SPTLC3: variants seen among roughly 807,000 people sequenced by gnomAD.
SPTLC3 encodes serine palmitoyltransferase long chain base subunit 3.
Under a neutral mutation model 59.3 loss-of-function variants are expected in SPTLC3, and 36 were observed. The ratio of observed to expected loss-of-function variants is 0.61; its 90% CI spans 0.47 to 0.80. The LOEUF is 0.80. Among genes scored for constraint, SPTLC3 ranks in the 30% least tolerant of loss-of-function variants. The pLI is 0.00. For synonymous variants in SPTLC3, 257 were observed against 240.8 expected, an observed-to-expected ratio of 1.07 and a Z score of -0.62; for missense variants, 625 against 685.1, an observed-to-expected ratio of 0.91 and a Z score of 0.98.
At chr20:13,015,823 A>T (rs561267011) in intron 1 of SPTLC3, among the ~76,000 whole-genome samples, 16 of 152,236 alleles carry the variant, frequency 1.1e-4, no homozygotes, top group Non-Finnish European at 2.1e-4. Context: ...TAATCTATTA[A>T]AGTATAAGAA....
chr20:13,154,110 C>T lies in SPTLC3; in HGVS notation c.1387C>T (p.Leu463=). Residue 463 remains leucine (L), a synonymous_variant, in exon 10 of 12, where the codon CTG becomes TTG. Coordinates refer to ENST00000399002, the MANE Select transcript of SPTLC3 (RefSeq NM_018327.4). ...YGNENASVVP[L]LLYMPGKVAA... is the part of the protein sequence containing the mutation. Reference sequence around the variant, plus strand: ...CAATGAGAATGCTTCTGTTGTTCCTCTGCTTCTTTATATGCCTGGTAAAGT... The same window carrying T: ...CAATGAGAATGCTTCTGTTGTTCCTTTGCTTCTTTATATGCCTGGTAAAGT... The T allele has an allele frequency of 6.2e-7, 1 of 1,614,144 alleles. No homozygotes were observed. Among genetic ancestry groups the T allele is most frequent in the Non-Finnish European group, 8.5e-7 (1 of 1,179,992 alleles).
At position 13,091,040 on chromosome 20, in the gene SPTLC3, G is replaced by C. The variant is rs994308325; in HGVS notation, c.608-43G>C. On this transcript the variant is annotated intron_variant, in intron 4 of 11. Coordinates refer to ENST00000399002, the MANE Select transcript of SPTLC3 (RefSeq NM_018327.4). ...AATTTGAGTTTTCAATCTTGGCCTTGTTGAAAAGAGAAGGCTCACTTCTCA... is the reference window on the plus strand; with the variant it reads ...AATTTGAGTTTTCAATCTTGGCCTTCTTGAAAAGAGAAGGCTCACTTCTCA... The C allele has an allele frequency of 1.9e-6, 3 of 1,607,530 alleles. No homozygotes were observed. In the African/African-American group the frequency reaches 4.0e-5, roughly 22 times the overall value.
At chr20:13,074,265 A>G in intron 3 of SPTLC3, 84 bp from the exon 4 acceptor site, 1 of 1,544,292 alleles carries the variant, frequency 6.5e-7, no homozygotes, top group Non-Finnish European at 8.8e-7. Flanking sequence ...CTTCATAGGA[A>G]CCCAAGTCTT....
At position 13,044,104 on chromosome 20, in the gene SPTLC3, C is replaced by CTT. The variant is rs61675971; in HGVS notation, c.118-4829_118-4828dup. Among the ~76,000 whole-genome samples, 49 of 127,882 alleles carry CTT rather than the reference C, an allele frequency of 3.8e-4. 1 individual carries two copies. Among genetic ancestry groups the CTT allele is most frequent in the South Asian group, 3.3e-3 (14 of 4,182 alleles). The allele number at this position is 127,882 out of a possible 152,430, so 83.9% of individuals were successfully genotyped here. A position where few individuals can be genotyped will look rare whatever the true frequency, so the allele number is the denominator to read the frequency against. Reference sequence around the variant, plus strand: ...TTCTTTTGTCTTGTTTCTTTTTTTTCTTTTTTTTTTTTTGAGATGGAGTCT... The same window carrying CTT: ...TTCTTTTGTCTTGTTTCTTTTTTTTCTTTTTTTTTTTTTTTGAGATGGAGTCT... On this transcript the variant is annotated intron_variant, in intron 1 of 11. Transcript: ENST00000399002.
In SPTLC3 at chr20:13,074,686, G is replaced by C. The variant is rs1421507259; in HGVS notation, c.607+189G>C. 2.6e-5 allele frequency among the ~76,000 whole-genome samples: 4 copies of C among 152,176 alleles called. No individual in the cohort carries two copies. In the East Asian group the frequency reaches 7.7e-4, roughly 29 times the overall value. ...TTGCCAGGCAGTTTATTAATTGCAT[G>C]TTTCAATTCTCCAGAATAGACAAAA... On this transcript the variant is annotated intron_variant, in intron 4 of 11. Coordinates refer to ENST00000399002, the MANE Select transcript of SPTLC3 (RefSeq NM_018327.4).
At chr20:13,066,319 G>A (rs977280652) in intron 2 of SPTLC3, among the ~76,000 whole-genome samples, 1 of 152,114 alleles carries the variant, frequency 6.6e-6, no homozygotes, top group Non-Finnish European at 1.5e-5. Context: ...ATTGAAAAGG[G>A]TCTCCTTTCC....
At chr20:13,069,099 C>G (rs531398887) in intron 2 of SPTLC3, among the ~76,000 whole-genome samples, 17 of 152,308 alleles carry the variant, frequency 1.1e-4, no homozygotes, top group Non-Finnish European at 2.1e-4. Flanking sequence ...AAGCCAACGC[C>G]AAGTTCCCTA....
chr20:13,143,505 G>C (rs2122895455), intron 9 of SPTLC3, among the ~76,000 whole-genome samples: 1 of 152,278 alleles, frequency 6.6e-6, no homozygotes, highest in Non-Finnish European at 1.5e-5. Flanking sequence ...GAAAGAGGAA[G>C]TACCTTGCCC....
intron 7 of SPTLC3, among the ~76,000 whole-genome samples, chr20:13,116,771 G>C (rs1990578297): frequency 6.6e-6 from 1 of 152,206 alleles, no homozygotes; most frequent in African/African-American, 2.4e-5. Flanking sequence ...ATTGGTGGCA[G>C]CATCTCCTGG....
At chr20:13,055,343 A>C (rs1372949041) in intron 2 of SPTLC3, among the ~76,000 whole-genome samples, 1 of 152,022 alleles carries the variant, frequency 6.6e-6, no homozygotes, top group Non-Finnish European at 1.5e-5. Context: ...TGACAATGTA[A>C]CTGGGAAAAT....
intron 9 of SPTLC3, among the ~76,000 whole-genome samples, chr20:13,143,584 C>T (rs1258357861): frequency 6.6e-6 from 1 of 152,160 alleles, no homozygotes; most frequent in East Asian, 1.9e-4. Context: ...GCTGAGAAGT[C>T]ATTGTCCTGG....
intron 10 of SPTLC3, 121 bp from the exon 11 acceptor site, chr20:13,159,882 A>G (rs2038857079): frequency 7.6e-7 from 1 of 1,322,902 alleles, no homozygotes. Flanking sequence ...TCCACTTATT[A>G]TCATAAAAAA....
chr20:13,158,639 GT>G (rs2038827276), intron 10 of SPTLC3, among the ~76,000 whole-genome samples: 1 of 152,136 alleles, frequency 6.6e-6, no homozygotes, highest in Non-Finnish European at 1.5e-5. Flanking sequence ...AACAGCCTCT[GT>G]TTTCAAGCTT....
chr20:13,046,376 A>C (rs542671101), intron 1 of SPTLC3, among the ~76,000 whole-genome samples: 4 of 152,296 alleles, frequency 2.6e-5, no homozygotes, highest in Admixed American at 2.0e-4. Flanking sequence ...TCTCTCCAAA[A>C]AGCAGCCCTC....
chr20:13,011,934 TTAATCTA>T (rs1985276631), intron 1 of SPTLC3, among the ~76,000 whole-genome samples: 1 of 152,180 alleles, frequency 6.6e-6, no homozygotes, highest in South Asian at 2.1e-4. Flanking sequence ...GCTTAAAGTC[TTAATCTA>T]TAAACTTGAT....
chr20:13,071,216 T>C (rs1051099667), intron 2 of SPTLC3, among the ~76,000 whole-genome samples: 1 of 152,242 alleles, frequency 6.6e-6, no homozygotes, highest in Non-Finnish European at 1.5e-5. Flanking sequence ...CTTGTATTAT[T>C]TTCGCATTAC....
chr20:13,139,433 T>C (rs1343015948), intron 9 of SPTLC3, among the ~76,000 whole-genome samples: 2 of 152,220 alleles, frequency 1.3e-5, no homozygotes, highest in Non-Finnish European at 2.9e-5. Flanking sequence ...GGTGTTTCTG[T>C]TGGGCAAGAC....
intron 4 of SPTLC3, among the ~76,000 whole-genome samples, chr20:13,082,302 G>C (rs138697257): frequency 1.3e-5 from 2 of 152,110 alleles, no homozygotes; most frequent in Non-Finnish European, 2.9e-5. Flanking sequence ...TCTGTAGGTC[G>C]AGAAGACTAG....
rs150147153 is a variant in SPTLC3 at position 13,167,241 on chromosome 20, GTTCATGATTTTAA to G, written c.*2397_*2409del. On this transcript the variant is annotated 3_prime_UTR_variant, in exon 12 of 12. Coordinates refer to ENST00000399002, the MANE Select transcript of SPTLC3 (RefSeq NM_018327.4). ...AAGCTCTCAAATGCTAGGCTAATAA[GTTCATGATTTTAA>G]TTCATGATTTTAATTCATGATTAAA... The G allele has an allele frequency of 0.019, 2,894 of 151,856 alleles. 80 individuals are homozygous for G. Among genetic ancestry groups the G allele is most frequent in the African/African-American group, 0.066 (2,726 of 41,408 alleles). The allele number at this position is 151,856 out of a possible 1,614,324, so 9.4% of individuals were successfully genotyped here.
Sources: gnomAD v4.1 joint callset for allele counts (sites outside exome capture counted in the v4.1 genomes callset) on GRCh38, gnomAD v4.1.1 for gene constraint, MANE v1.5 for transcripts, NCBI Gene and HGNC (gene_info 2026-07-23, HGNC 2026-07-21) for gene names.